Variants in NUP160 observed in about 807,000 individuals in gnomAD.
NUP160 encodes the protein nuclear pore complex protein Nup160.
Under a neutral mutation model 196.9 loss-of-function variants are expected in NUP160, and 94 were observed. That is an observed-to-expected ratio of 0.48 (90% CI 0.40 to 0.57). The LOEUF is 0.57. Among genes scored for constraint, NUP160 ranks in the 20% least tolerant of loss-of-function variants. The probability of loss-of-function intolerance (pLI) is 0.00; values close to 1 mark genes in which losing one functional copy is unlikely to be tolerated. For synonymous variants in NUP160, 605 were observed against 619.7 expected, an observed-to-expected ratio of 0.98 and a Z score of 0.35; for missense variants, 1,638 against 1,748.3, an observed-to-expected ratio of 0.94 and a Z score of 1.13.
intron 7 of NUP160, among the ~76,000 whole-genome samples, chr11:47,832,999 G>A (rs931313159): frequency 1.3e-5 from 2 of 149,766 alleles, no homozygotes; most frequent in African/African-American, 4.9e-5. Context: ...ATGGGGGAAG[G>A]GAAGAATGAT....
chr11:47,814,220 G>T (rs140098285), intron 13 of NUP160, among the ~76,000 whole-genome samples: 1 of 151,728 alleles, frequency 6.6e-6, no homozygotes, highest in East Asian at 1.9e-4. Context: ...GAAAGACAAA[G>T]AAACGCTGAT....
intron 23 of NUP160, among the ~76,000 whole-genome samples, chr11:47,798,717 C>T (rs1005864777): frequency 2.6e-5 from 4 of 151,968 alleles, no homozygotes; most frequent in East Asian, 1.9e-4. Flanking sequence ...GTAGTTGTAG[C>T]GACTTGGGAG....
chr11:47,786,411 T>C (rs953908282), intron 32 of NUP160, 42 bp downstream of exon 32: 4 of 1,270,260 alleles, frequency 3.1e-6, no homozygotes, highest in African/African-American at 2.9e-5. Context: ...TTACAGCTTT[T>C]AGAAAGGCAA....
intron 7 of NUP160, among the ~76,000 whole-genome samples, chr11:47,824,829 G>A (rs867892201): frequency 4.0e-5 from 6 of 148,234 alleles, no homozygotes; most frequent in East Asian, 2.0e-4. Flanking sequence ...TTTTTTTCAC[G>A]TTAATTTAAT....
At chr11:47,783,793 T>G (rs1367251242) in intron 33 of NUP160, among the ~76,000 whole-genome samples, 1 of 152,078 alleles carries the variant, frequency 6.6e-6, no homozygotes, top group Non-Finnish European at 1.5e-5. Flanking sequence ...TGGTGCAACC[T>G]CAGATCACTG....
chr11:47,848,416 A>G, exon 1 of NUP160: 1 of 1,569,106 alleles, frequency 6.4e-7, no homozygotes, highest in Non-Finnish European at 8.6e-7. Flanking sequence ...GGACAGGTGA[A>G]GCATTCCGGG....
intron 2 of NUP160, among the ~76,000 whole-genome samples, chr11:47,842,087 CAT>C (rs1852310591): frequency 6.6e-6 from 1 of 152,116 alleles, no homozygotes; most frequent in Admixed American, 6.5e-5. Context: ...CAGCATTCCA[CAT>C]ATGTGACCTT....
chr11:47,801,912 G>C, exon 23 of NUP160: 1 of 1,613,732 alleles, frequency 6.2e-7, no homozygotes, highest in Non-Finnish European at 8.5e-7. Context: ...GATGCTGCCT[G>C]ACAAAAACAT....
intron 7 of NUP160, among the ~76,000 whole-genome samples, chr11:47,822,430 G>T (rs1345989894): frequency 6.6e-6 from 1 of 151,866 alleles, no homozygotes; most frequent in East Asian, 1.9e-4. Context: ...GCTAATTTTT[G>T]TATTTTTAGT....
At chr11:47,800,895 G>C (rs537623510) in intron 23 of NUP160, among the ~76,000 whole-genome samples, 1 of 152,256 alleles carries the variant, frequency 6.6e-6, no homozygotes, top group Non-Finnish European at 1.5e-5. Context: ...AAGCTTTTCT[G>C]CACAGGCCAG....
intron 23 of NUP160, among the ~76,000 whole-genome samples, chr11:47,800,294 T>C (rs757034986): frequency 2.0e-5 from 3 of 150,198 alleles, no homozygotes; most frequent in South Asian, 4.2e-4. Context: ...ATAAAGCACA[T>C]AATACTTTTT....
chr11:47,782,366 A>C (rs2097661916), intron 34 of NUP160, among the ~76,000 whole-genome samples: 1 of 129,836 alleles, frequency 7.7e-6, no homozygotes, highest in Non-Finnish European at 1.6e-5. Context: ...ATGCGCCTAT[A>C]CCGATGTTCC....
At chr11:47,827,377 A>C (rs1298119382) in intron 7 of NUP160, among the ~76,000 whole-genome samples, 2 of 151,856 alleles carry the variant, frequency 1.3e-5, no homozygotes, top group African/African-American at 4.8e-5. Flanking sequence ...AAAAAAAAAA[A>C]AATTCACAGC....
At chr11:47,806,848 CACACAT>C (rs1424324603) in intron 19 of NUP160, among the ~76,000 whole-genome samples, 41 of 115,306 alleles carry the variant, frequency 3.6e-4, no homozygotes, top group Middle Eastern at 4.6e-3. Context: ...CACACACACA[CACACAT>C]ATATATACCA....
intron 7 of NUP160, among the ~76,000 whole-genome samples, chr11:47,826,468 C>T (rs573461385): frequency 2.0e-5 from 3 of 152,202 alleles, no homozygotes; most frequent in East Asian, 1.9e-4. Context: ...CATTCATTCC[C>T]GATCTGACCT....
At chr11:47,811,720 G>A (rs1420515382) in intron 17 of NUP160, among the ~76,000 whole-genome samples, 2 of 152,020 alleles carry the variant, frequency 1.3e-5, no homozygotes, top group Non-Finnish European at 2.9e-5. Flanking sequence ...GGATGTGCAG[G>A]TTTGTTACGT....
exon 1 of NUP160, chr11:47,848,454 T>A: frequency 6.8e-7 from 1 of 1,474,600 alleles, no homozygotes; most frequent in Non-Finnish European, 9.0e-7. Context: ...GGCCCTTCGT[T>A]GCGAGGCTTC....
chr11:47,796,402 TAATTA>T, intron 27 of NUP160: 2 of 401,644 alleles, frequency 5.0e-6, no homozygotes, highest in South Asian at 1.1e-4. Context: ...AAGAAGAACC[TAATTA>T]AATAACTGAT....
intron 7 of NUP160, among the ~76,000 whole-genome samples, chr11:47,833,122 A>T (rs565716701): frequency 6.6e-6 from 1 of 152,330 alleles, no homozygotes; most frequent in African/African-American, 2.4e-5. Context: ...GGTATACTTT[A>T]AATGGGTGAG....
Sources: allele counts gnomAD v4.1 joint callset (sites outside exome capture counted in the v4.1 genomes callset), GRCh38; gene constraint gnomAD v4.1.1; transcripts MANE v1.5; gene names NCBI Gene and HGNC (gene_info 2026-07-23, HGNC 2026-07-21).